MAP2K4: variants seen among roughly 807,000 people sequenced by gnomAD.
The protein encoded by MAP2K4 is mitogen-activated protein kinase kinase 4, also known as dual specificity mitogen-activated protein kinase kinase 4.
A neutral mutation model predicts 48.5 loss-of-function variants in MAP2K4; 4 were observed. That is an observed-to-expected ratio of 0.08 (90% CI 0.04 to 0.19). The LOEUF (loss-of-function observed/expected upper bound fraction) is 0.19, where lower values mean the gene tolerates loss of function less well. Ranked by LOEUF, MAP2K4 falls within the 10% of genes least tolerant of loss-of-function variation. The probability of loss-of-function intolerance (pLI) is 1.00; values close to 1 mark genes in which losing one functional copy is unlikely to be tolerated. For missense variants in MAP2K4, 258 were observed against 493.3 expected (o/e 0.52, Z 4.52); for synonymous variants, 166 against 173.1 (o/e 0.96, Z 0.32).
In MAP2K4 at chr17:12,062,065, C is replaced by A. The variant is rs74253535; in HGVS notation, c.218+7074C>A. ...TCACTCAGTTCTCCCCCTCTCCCCC[C>A]CCTTTTTTTCTTTTTTTGAGTTAGC... On this transcript the variant is annotated intron_variant, in intron 2 of 10. Coordinates refer to ENST00000353533, the MANE Select transcript of MAP2K4 (RefSeq NM_003010.4). Among the ~76,000 whole-genome samples the A allele has an allele frequency of 2.0e-4, 29 of 147,146 alleles. No individual in the cohort carries two copies. The East Asian group carries it at 4.6e-3, about 23-fold the overall frequency.
intron 1 of MAP2K4, among the ~76,000 whole-genome samples, chr17:12,041,907 G>A (rs1024205636): frequency 6.6e-6 from 1 of 152,128 alleles, no homozygotes; most frequent in Non-Finnish European, 1.5e-5. Context: ...GAGGCTGGGC[G>A]TGGTGGCTCA....
rs1973428396 is a variant in MAP2K4, at chr17:12,143,152, A to G, written c.*1892A>G. ...TTGCTCTATGTCTGCCTTCGACCACAGCAAGCCATCATCCTCCATTGCTCC... is the reference window on the plus strand; with the variant it reads ...TTGCTCTATGTCTGCCTTCGACCACGGCAAGCCATCATCCTCCATTGCTCC... On this transcript the variant is annotated 3_prime_UTR_variant, in exon 11 of 11. Coordinates refer to ENST00000353533, the MANE Select transcript of MAP2K4 (RefSeq NM_003010.4). The G allele has an allele frequency of 8.6e-6, 2 of 232,988 alleles. No homozygotes were observed. The highest frequency in any genetic ancestry group is 3.6e-4 in the South Asian group (2 of 5,528). 14.4% of individuals were successfully genotyped at this position (232,988 alleles called of 1,614,324 possible).
chr17:12,038,519 C>T (rs1450162871), intron 1 of MAP2K4, among the ~76,000 whole-genome samples: 1 of 151,970 alleles, frequency 6.6e-6, no homozygotes, highest in African/African-American at 2.4e-5. Flanking sequence ...CTATATATAC[C>T]TTCGACAGAT....
In MAP2K4 at chr17:12,040,914, TTAAC is replaced by T. The variant is rs1969757943; in HGVS notation, c.116-13971_116-13968del. ...CCTATTCCTGTTCCATCATCTAACTTTAACTAAATTATTAAAGTCTCTCTCTCAT... is the reference window on the plus strand; with the variant it reads ...CCTATTCCTGTTCCATCATCTAACTTTAAATTATTAAAGTCTCTCTCTCAT... On this transcript the variant is annotated intron_variant, in intron 1 of 10. Transcript: ENST00000353533. Among the ~76,000 whole-genome samples the T allele has an allele frequency of 2.6e-5, 4 of 152,350 alleles. No individual in the cohort carries two copies. The South Asian group carries it at 8.3e-4, about 32-fold the overall frequency.
intron 7 of MAP2K4, chr17:12,124,710 C>G (rs1191868759): frequency 6.6e-6 from 1 of 151,996 alleles, no homozygotes; most frequent in Non-Finnish European, 1.5e-5. Context: ...GAGCCTCGCT[C>G]TGTTGTCCAG....
intron 2 of MAP2K4, among the ~76,000 whole-genome samples, chr17:12,064,244 G>A (rs748567962): frequency 1.6e-4 from 24 of 151,894 alleles, no homozygotes; most frequent in Non-Finnish European, 3.1e-4. Context: ...CATCACACCC[G>A]ACTCATTTAA....
chr17:12,104,307 C>A (rs1037043029), intron 4 of MAP2K4, among the ~76,000 whole-genome samples: 4 of 152,010 alleles, frequency 2.6e-5, no homozygotes, highest in Admixed American at 6.6e-5. Flanking sequence ...TGTGTTGATA[C>A]CTCTTTGGCT....
chr17:12,056,980 G>A (rs577301388), intron 2 of MAP2K4, among the ~76,000 whole-genome samples: 2 of 151,942 alleles, frequency 1.3e-5, no homozygotes, highest in African/African-American at 2.4e-5. Context: ...CATGAATTTA[G>A]GAAAAGATAA....
At chr17:12,046,180 T>A (rs1969958977) in intron 1 of MAP2K4, among the ~76,000 whole-genome samples, 1 of 152,158 alleles carries the variant, frequency 6.6e-6, no homozygotes, top group South Asian at 2.1e-4. Context: ...CACATTCTCT[T>A]CTCCCCTGAA....
At chr17:12,065,244 TTA>T (rs1184062296) in intron 2 of MAP2K4, among the ~76,000 whole-genome samples, 1 of 141,720 alleles carries the variant, frequency 7.1e-6, no homozygotes, top group Non-Finnish European at 1.5e-5. Context: ...ACAATAACAA[TTA>T]TATATATACA....
chr17:12,105,016 C>G (rs1381255248), intron 4 of MAP2K4, among the ~76,000 whole-genome samples: 1 of 152,106 alleles, frequency 6.6e-6, no homozygotes, highest in Non-Finnish European at 1.5e-5. Context: ...GCTTTGTTAA[C>G]TTCTGTCATA....
intron 1 of MAP2K4, among the ~76,000 whole-genome samples, chr17:12,031,662 T>G (rs1420622545): frequency 6.6e-6 from 1 of 152,214 alleles, no homozygotes; most frequent in African/African-American, 2.4e-5. Flanking sequence ...TTTCTTCTTG[T>G]AACTTCTAAA....
intron 3 of MAP2K4, among the ~76,000 whole-genome samples, chr17:12,092,950 C>T (rs938936246): frequency 1.3e-5 from 2 of 152,058 alleles, no homozygotes; most frequent in African/African-American, 4.8e-5. Context: ...GGCATCAACC[C>T]GGGAGGAGGA....
intron 1 of MAP2K4, among the ~76,000 whole-genome samples, chr17:12,044,006 G>A (rs971660823): frequency 6.6e-6 from 1 of 152,028 alleles, no homozygotes; most frequent in Admixed American, 6.6e-5. Context: ...TTATATAGGG[G>A]CCCTCTGAGA....
rs557969425 is a variant in MAP2K4 at position 12,081,909 on chromosome 17, T to C, written c.393+379T>C. 3.2e-5 allele frequency: 17 copies of C among 537,916 alleles called. No individual in the cohort carries two copies. The highest frequency in any genetic ancestry group is 5.7e-5 in the Non-Finnish European group (15 of 262,802). The allele number at this position is 537,916 out of a possible 1,614,324, so 33.3% of individuals were successfully genotyped here. A position where few individuals can be genotyped will look rare whatever the true frequency, so the allele number is the denominator to read the frequency against. ...ACGCAGCACACTGGGTTGGGCAAGG[T>C]GCGGGGCTAGGGCTAACAGCAGTCT... On this transcript the variant is annotated intron_variant, in intron 3 of 10. Coordinates refer to ENST00000353533, the MANE Select transcript of MAP2K4 (RefSeq NM_003010.4). The surrounding 1 kb of genome is among the most constrained non-coding windows in gnomAD (Gnocchi z 4.2).
At chr17:12,117,020 G>T (rs1370001107) in intron 7 of MAP2K4, among the ~76,000 whole-genome samples, 1 of 152,064 alleles carries the variant, frequency 6.6e-6, no homozygotes, top group Non-Finnish European at 1.5e-5. Context: ...ATAACCTTAT[G>T]GGACAACCTT....
intron 9 of MAP2K4, among the ~76,000 whole-genome samples, chr17:12,129,724 G>A (rs1972965807): frequency 6.6e-6 from 1 of 152,212 alleles, no homozygotes; most frequent in Admixed American, 6.5e-5. Flanking sequence ...ATAGAAAACA[G>A]TTGGTTATAT....
intron 7 of MAP2K4, among the ~76,000 whole-genome samples, chr17:12,114,406 G>A (rs1009006491): frequency 7.6e-6 from 1 of 132,346 alleles, no homozygotes; most frequent in African/African-American, 2.7e-5. Context: ...GTGTGTGTGT[G>A]TGTGTGTGTG....
chr17:12,113,218 A>G lies in MAP2K4; in HGVS notation c.686-15A>G, dbSNP rs1453158426. The G allele has an allele frequency of 2.5e-6, 4 of 1,611,602 alleles. No homozygotes were observed. The highest frequency in any genetic ancestry group is 3.4e-6 in the Non-Finnish European group (4 of 1,178,798). On this transcript the variant is annotated splice_polypyrimidine_tract_variant and intron_variant, in intron 6 of 10. Coordinates refer to ENST00000353533, the MANE Select transcript of MAP2K4 (RefSeq NM_003010.4). ...AGAAGCTAATTGTATACTGAATGAT[A>G]TCTATGTCTTGCAGATATCAAACCT...
Sources: gnomAD v4.1 joint callset for allele counts (sites outside exome capture counted in the v4.1 genomes callset) on GRCh38, gnomAD v4.1.1 for gene constraint, Gnocchi (gnomAD v3.1) non-coding constraint, MANE v1.5 for transcripts, NCBI Gene and HGNC (gene_info 2026-07-23, HGNC 2026-07-21) for gene names.